Variants in LEKR1 observed in about 807,000 individuals in gnomAD.
LEKR1 encodes the protein leucine, glutamate and lysine rich 1, also known as protein LEKR1.
Under a neutral mutation model 72.4 loss-of-function variants are expected in LEKR1, and 59 were observed. The observed-to-expected ratio is 0.82, with a 90% CI of 0.66 to 1.01. LEKR1 has a LOEUF of 1.01. Among genes scored for constraint, LEKR1 ranks in the 50% least tolerant of loss-of-function variants. The pLI is 0.00. For missense variants in LEKR1, 728 were observed against 759.2 expected, an observed-to-expected ratio of 0.96 and a Z score of 0.48; for synonymous variants, 257 against 263.2, an observed-to-expected ratio of 0.98 and a Z score of 0.23.
chr3:156,913,131 A>G (rs992428611), intron 3 of LEKR1, among the ~76,000 whole-genome samples: 2 of 152,192 alleles, frequency 1.3e-5, no homozygotes, highest in Non-Finnish European at 1.5e-5. Flanking sequence ...GCCGTCTTGG[A>G]AAATAAAATA....
Position 156,970,920 on chromosome 3 carries a change from T to C in LEKR1, c.746-8274T>C, listed in dbSNP as rs1729114171. ...ATGAAAATGGCCATACTGCCCAAGG[T>C]AATCTATAGATTCAATGCCATCCCC... On this transcript the variant is annotated intron_variant, in intron 6 of 12. Transcript: ENST00000356539. Among the ~76,000 whole-genome samples, 4 of 151,966 alleles carry C rather than the reference T, an allele frequency of 2.6e-5. No individual in the cohort carries two copies. In the South Asian group the frequency reaches 8.4e-4, roughly 32 times the overall value.
At chr3:156,872,191 A>T (rs1348265872) in intron 3 of LEKR1, among the ~76,000 whole-genome samples, 4 of 150,810 alleles carry the variant, frequency 2.7e-5, no homozygotes, top group Non-Finnish European at 5.9e-5. Context: ...GTGTTCTGAA[A>T]TTTTTTCATT....
intron 12 of LEKR1, among the ~76,000 whole-genome samples, chr3:157,041,372 C>A (rs1403469105): frequency 6.6e-6 from 1 of 152,146 alleles, no homozygotes; most frequent in Non-Finnish European, 1.5e-5. Flanking sequence ...GCAAAGGGAT[C>A]TTCCTTTCAT....
intron 3 of LEKR1, among the ~76,000 whole-genome samples, chr3:156,909,212 A>G (rs762765134): frequency 6.6e-6 from 1 of 152,158 alleles, no homozygotes; most frequent in Non-Finnish European, 1.5e-5. Flanking sequence ...TCTTTTGTAA[A>G]TTACCCAGTC....
chr3:156,888,920 T>C (rs1440808835), intron 3 of LEKR1, among the ~76,000 whole-genome samples: 1 of 152,220 alleles, frequency 6.6e-6, no homozygotes, highest in East Asian at 1.9e-4. Flanking sequence ...ATAACCTGTT[T>C]TGTAGCTCTT....
chr3:156,940,964 C>T (rs551032087), intron 5 of LEKR1, among the ~76,000 whole-genome samples: 1 of 152,158 alleles, frequency 6.6e-6, no homozygotes, highest in Admixed American at 6.6e-5. Context: ...TAAGAAGCCA[C>T]CTTTTTGGCT....
chr3:156,854,472 A>G (rs889021897), intron 3 of LEKR1, among the ~76,000 whole-genome samples: 1 of 151,720 alleles, frequency 6.6e-6, no homozygotes, highest in Non-Finnish European at 1.5e-5. Context: ...GATTTGGTGT[A>G]TGTCTTGGTA....
intron 3 of LEKR1, among the ~76,000 whole-genome samples, chr3:156,872,149 T>C (rs1364001317): frequency 2.0e-5 from 3 of 152,060 alleles, no homozygotes; most frequent in Non-Finnish European, 4.4e-5. Flanking sequence ...AGATTTTCCA[T>C]TTCTTCCTAA....
At chr3:156,916,480 T>C (rs1723663669) in intron 3 of LEKR1, among the ~76,000 whole-genome samples, 2 of 152,150 alleles carry the variant, frequency 1.3e-5, no homozygotes, top group African/African-American at 4.8e-5. Flanking sequence ...TTTACCTCCC[T>C]GGTTAACTGT....
chr3:157,034,097 C>A (rs1420467466), intron 12 of LEKR1, among the ~76,000 whole-genome samples: 1 of 151,834 alleles, frequency 6.6e-6, no homozygotes, highest in Admixed American at 6.6e-5. Context: ...ATTGACAATG[C>A]ATCTGGTCAC....
intron 3 of LEKR1, among the ~76,000 whole-genome samples, chr3:156,862,745 C>T (rs986086303): frequency 6.6e-6 from 1 of 152,052 alleles, no homozygotes. Context: ...CTCAGCTCTC[C>T]CACAATTAAT....
intron 2 of LEKR1, among the ~76,000 whole-genome samples, chr3:156,846,143 T>G (rs1216094748): frequency 6.6e-6 from 1 of 152,162 alleles, no homozygotes; most frequent in Non-Finnish European, 1.5e-5. Flanking sequence ...GGTATATATA[T>G]AAATGCAGTT....
chr3:156,895,106 A>G (rs144775309), intron 3 of LEKR1, among the ~76,000 whole-genome samples: 138 of 152,362 alleles, frequency 9.1e-4, no homozygotes, highest in African/African-American at 3.1e-3. Context: ...CAGTCAACCT[A>G]CAGAATGGGA....
chr3:156,993,314 T>A (rs1479742888), intron 9 of LEKR1, 37 bp downstream of exon 9: 1 of 1,380,542 alleles, frequency 7.2e-7, no homozygotes, highest in African/African-American at 1.5e-5. Context: ...AAACATTTTA[T>A]GTTTAAGTTA....
chr3:156,966,026 A>G (rs1728542881), intron 6 of LEKR1, among the ~76,000 whole-genome samples: 1 of 152,222 alleles, frequency 6.6e-6, no homozygotes, highest in Non-Finnish European at 1.5e-5. Context: ...TATTCAGGTC[A>G]GTTATATTTT....
intron 7 of LEKR1, among the ~76,000 whole-genome samples, chr3:156,988,919 C>T (rs1383729152): frequency 6.6e-6 from 1 of 152,100 alleles, no homozygotes; most frequent in Non-Finnish European, 1.5e-5. Context: ...GCAACCTCCG[C>T]CTCCCGGGTT....
At chr3:156,965,354 C>T (rs750626353) in intron 6 of LEKR1, among the ~76,000 whole-genome samples, 2 of 152,006 alleles carry the variant, frequency 1.3e-5, no homozygotes, top group South Asian at 4.1e-4. Context: ...GATTAAAAAA[C>T]GCAGCAGAAA....
At chr3:156,856,071 AAAC>A (rs55744130) in intron 3 of LEKR1, among the ~76,000 whole-genome samples, 10,064 of 152,230 alleles carry the variant, frequency 0.066, 399 homozygotes, top group African/African-American at 0.11. Context: ...ACGCAAGTAG[AAAC>A]AACAACATAT....
intron 5 of LEKR1, among the ~76,000 whole-genome samples, chr3:156,935,530 T>A (rs1387246384): frequency 1.3e-5 from 2 of 152,200 alleles, no homozygotes; most frequent in Admixed American, 6.5e-5. Context: ...CTAATAGCTA[T>A]ATAAACATGC....
Sources: gnomAD v4.1 joint callset for allele counts (sites outside exome capture counted in the v4.1 genomes callset) on GRCh38, gnomAD v4.1.1 for gene constraint, MANE v1.5 for transcripts, NCBI Gene and HGNC (gene_info 2026-07-23, HGNC 2026-07-21) for gene names.